Variants in PAPPA observed in about 807,000 individuals in gnomAD.
PAPPA encodes the protein pappalysin 1.
A neutral mutation model predicts 164.0 loss-of-function variants in PAPPA; 60 were observed. That is an observed-to-expected ratio of 0.37 (90% confidence interval 0.30 to 0.45). The LOEUF is 0.45. PAPPA is among the 20% of genes least tolerant of loss of function. PAPPA has a pLI of 1.00. For missense variants in PAPPA, 1,782 were observed against 2,087.3 expected (o/e 0.85, Z 2.85); for synonymous variants, 875 against 814.1 (o/e 1.07, Z -1.27).
intron 10 of PAPPA, among the ~76,000 whole-genome samples, chr9:116,328,454 A>G (rs1476345040): frequency 6.6e-6 from 1 of 152,202 alleles, no homozygotes; most frequent in Non-Finnish European, 1.5e-5. Flanking sequence ...AACTGAAGCC[A>G]TCACCTAATT....
chr9:116,268,875 G>A (rs887102446), intron 8 of PAPPA, among the ~76,000 whole-genome samples: 1 of 151,032 alleles, frequency 6.6e-6, no homozygotes, highest in Non-Finnish European at 1.5e-5. Context: ...GAAAACTTTG[G>A]GGAAAAGAAG....
At chr9:116,285,274 A>C (rs779461605) in intron 9 of PAPPA, among the ~76,000 whole-genome samples, 5 of 142,390 alleles carry the variant, frequency 3.5e-5, no homozygotes, top group Admixed American at 1.5e-4. Context: ...GGTTCAAGTG[A>C]TTCTCCTGCC....
intron 18 of PAPPA, 103 bp from the exon 19 acceptor site, chr9:116,367,542 C>A: frequency 1.3e-6 from 1 of 795,046 alleles, no homozygotes; most frequent in Non-Finnish European, 2.1e-6. Context: ...GTAGCTGAGT[C>A]CACCAGGGAC....
At chr9:116,250,651 G>C (rs1844849734) in intron 7 of PAPPA, among the ~76,000 whole-genome samples, 2 of 152,170 alleles carry the variant, frequency 1.3e-5, no homozygotes, top group Non-Finnish European at 2.9e-5. Flanking sequence ...ACTTCTTACT[G>C]TCTGGGAATT....
At chr9:116,344,513 C>CCTTCTT in intron 13 of PAPPA, 30 bp from the exon 14 acceptor site, 1 of 1,599,384 alleles carries the variant, frequency 6.3e-7, no homozygotes, top group Non-Finnish European at 8.6e-7. Flanking sequence ...TGAGGAGACT[C>CCTTCTT]CTTCTTCCCC....
intron 1 of PAPPA, among the ~76,000 whole-genome samples, chr9:116,156,987 C>A (rs1038808354): frequency 6.6e-6 from 1 of 152,196 alleles, no homozygotes; most frequent in South Asian, 2.1e-4. Flanking sequence ...TCTGGCTGGG[C>A]GTTGCCACTT....
chr9:116,182,506 C>T (rs1564175857), intron 1 of PAPPA, among the ~76,000 whole-genome samples: 1 of 152,106 alleles, frequency 6.6e-6, no homozygotes, highest in Non-Finnish European at 1.5e-5. Flanking sequence ...GCCTGGGTGG[C>T]ATGGGGTCGT....
chr9:116,261,887 G>GTTT (rs77731355), intron 7 of PAPPA, among the ~76,000 whole-genome samples: 28 of 151,060 alleles, frequency 1.9e-4, no homozygotes, highest in African/African-American at 6.8e-4. Flanking sequence ...GTAGAAAAAA[G>GTTT]TGTTTTGTTT....
intron 21 of PAPPA, among the ~76,000 whole-genome samples, chr9:116,383,762 T>G (rs1317653824): frequency 6.6e-6 from 1 of 152,216 alleles, no homozygotes; most frequent in African/African-American, 2.4e-5. Flanking sequence ...GGGCAACAGT[T>G]TTCAGCATGC....
intron 14 of PAPPA, among the ~76,000 whole-genome samples, chr9:116,345,274 T>C (rs1378602390): frequency 6.6e-6 from 1 of 151,938 alleles, no homozygotes; most frequent in Non-Finnish European, 1.5e-5. Flanking sequence ...AAGGGAATTG[T>C]AGGGTGTTGT....
chr9:116,391,053 T>A (rs1457065314), intron 21 of PAPPA, among the ~76,000 whole-genome samples: 1 of 152,212 alleles, frequency 6.6e-6, no homozygotes, highest in Non-Finnish European at 1.5e-5. Context: ...CCGGATAGCA[T>A]ACACGAAAGT....
intron 9 of PAPPA, among the ~76,000 whole-genome samples, chr9:116,284,342 G>A (rs1171677152): frequency 6.6e-6 from 1 of 151,950 alleles, no homozygotes; most frequent in Non-Finnish European, 1.5e-5. Flanking sequence ...GTCTTATCTG[G>A]CTCTTTCTTG....
At chr9:116,254,961 A>G (rs754427246) in intron 7 of PAPPA, among the ~76,000 whole-genome samples, 48 of 151,958 alleles carry the variant, frequency 3.2e-4, no homozygotes, top group Non-Finnish European at 6.2e-4. Flanking sequence ...GAAAAAAGCA[A>G]TTGAGATTAT....
At chr9:116,297,604 A>G (rs1423795004) in intron 9 of PAPPA, among the ~76,000 whole-genome samples, 5 of 152,198 alleles carry the variant, frequency 3.3e-5, no homozygotes, top group East Asian at 1.9e-4. Flanking sequence ...AATCATTCCA[A>G]TGTAAGTCAA....
chr9:116,390,268 T>G (rs1846873274), intron 21 of PAPPA, among the ~76,000 whole-genome samples: 1 of 151,722 alleles, frequency 6.6e-6, no homozygotes, highest in Admixed American at 6.6e-5. Flanking sequence ...ATTTCCCAGA[T>G]GAAAGGAGTA....
chr9:116,319,931 T>C (rs1469269660), intron 10 of PAPPA, among the ~76,000 whole-genome samples: 1 of 152,180 alleles, frequency 6.6e-6, no homozygotes, highest in Non-Finnish European at 1.5e-5. Context: ...CTTTCATGAA[T>C]GGTGTCTTAG....
intron 10 of PAPPA, among the ~76,000 whole-genome samples, chr9:116,321,285 C>G (rs190798065): frequency 0.01 from 1,549 of 152,258 alleles, 27 homozygotes; most frequent in African/African-American, 0.036. Context: ...CCTCAGCCTC[C>G]CAAAGTGCTG....
Position 116,301,660 on chromosome 9 carries a change from C to T in PAPPA, c.2954-1097C>T, listed in dbSNP as rs79618878. Reference sequence around the variant, plus strand: ...CCTTGCAGCTAAGTGAGAATCATTGCAGCCGGCTGCAGCTTTAAATCATTC... The same window carrying T: ...CCTTGCAGCTAAGTGAGAATCATTGTAGCCGGCTGCAGCTTTAAATCATTC... On this transcript the variant is annotated intron_variant, in intron 9 of 21. Coordinates refer to ENST00000328252, the MANE Select transcript of PAPPA (RefSeq NM_002581.5). 2.8e-3 allele frequency among the ~76,000 whole-genome samples: 433 copies of T among 152,318 alleles called. 2 individuals are homozygous for T. Among genetic ancestry groups the T allele is most frequent in the Non-Finnish European group, 4.4e-3 (298 of 68,026 alleles).
chr9:116,301,573 G>A (rs1436550796), intron 9 of PAPPA, among the ~76,000 whole-genome samples: 1 of 152,206 alleles, frequency 6.6e-6, no homozygotes, highest in Non-Finnish European at 1.5e-5. Flanking sequence ...CAAGAAACAT[G>A]CATAGGTCAC....
Sources: gnomAD v4.1 joint callset for allele counts (sites outside exome capture counted in the v4.1 genomes callset) on GRCh38, gnomAD v4.1.1 for gene constraint, MANE v1.5 for transcripts, NCBI Gene and HGNC (gene_info 2026-07-23, HGNC 2026-07-21) for gene names.